SLC4A4: variants seen among roughly 807,000 people sequenced by gnomAD.
SLC4A4 encodes electrogenic sodium bicarbonate cotransporter 1.
Under a neutral mutation model 111.5 loss-of-function variants are expected in SLC4A4, and 27 were observed. That is an observed-to-expected ratio of 0.24 (90% CI 0.18 to 0.33). The LOEUF is 0.33. SLC4A4 is among the 10% of genes least tolerant of loss of function. The pLI is 1.00. For missense variants in SLC4A4, 909 were observed against 1,315.5 expected (o/e 0.69, Z 4.78); for synonymous variants, 443 against 463.4 (o/e 0.96, Z 0.57).
chr4:71,210,386 A>C (rs1718055920), intron 1 of SLC4A4, among the ~76,000 whole-genome samples: 1 of 152,264 alleles, frequency 6.6e-6, no homozygotes, highest in Non-Finnish European at 1.5e-5. Flanking sequence ...AAACATACTT[A>C]ATGTATTTCT....
In SLC4A4 at chr4:71,098,074, G is replaced by A. The variant is rs550580164; in HGVS notation, c.-2+5282G>A. Among the ~76,000 whole-genome samples the A allele has an allele frequency of 1.4e-4, 22 of 152,240 alleles. No homozygotes were observed. The East Asian group carries it at 3.7e-3, about 25-fold the overall frequency. ...TGTGCTTTTGTTGTGATGGCTTCTG[G>A]CATCTTTGTCATGAAGTATTTGCCT... On this transcript the variant is annotated intron_variant, in intron 2 of 26. Transcript: ENST00000649996.
At chr4:71,349,530 G>A (rs1006027342) in intron 4 of SLC4A4, among the ~76,000 whole-genome samples, 1 of 152,132 alleles carries the variant, frequency 6.6e-6, no homozygotes, top group Non-Finnish European at 1.5e-5. Flanking sequence ...CCTCACAGTG[G>A]TGGCTATTTT....
chr4:71,412,921 G>A (rs1189672782), intron 7 of SLC4A4, among the ~76,000 whole-genome samples: 1 of 152,150 alleles, frequency 6.6e-6, no homozygotes, highest in Non-Finnish European at 1.5e-5. Flanking sequence ...AAAATAAGAA[G>A]CCGACTTTGG....
At chr4:71,476,826 A>T (rs1728419600) in intron 14 of SLC4A4, among the ~76,000 whole-genome samples, 1 of 151,828 alleles carries the variant, frequency 6.6e-6, no homozygotes, top group Admixed American at 6.6e-5. Flanking sequence ...AGAAAGTTTG[A>T]CATATGTGAG....
intron 6 of SLC4A4, among the ~76,000 whole-genome samples, chr4:71,360,491 CTG>C (rs1730681024): frequency 6.6e-6 from 1 of 152,054 alleles, no homozygotes; most frequent in Non-Finnish European, 1.5e-5. Context: ...TAATCAAAAA[CTG>C]TTATCTGATT....
intron 2 of SLC4A4, among the ~76,000 whole-genome samples, chr4:71,239,235 T>C (rs1183154256): frequency 6.6e-6 from 1 of 152,240 alleles, no homozygotes; most frequent in African/African-American, 2.4e-5. Flanking sequence ...GTTTACAATG[T>C]TTGTAAACAT....
At chr4:71,107,950 A>G (rs1742989945) in intron 2 of SLC4A4, among the ~76,000 whole-genome samples, 1 of 152,018 alleles carries the variant, frequency 6.6e-6, no homozygotes, top group African/African-American at 2.4e-5. Flanking sequence ...CTATATAGCT[A>G]TTTCCTTTGT....
chr4:71,233,946 C>T (rs1359405011), intron 1 of SLC4A4, among the ~76,000 whole-genome samples: 1 of 152,274 alleles, frequency 6.6e-6, no homozygotes, highest in East Asian at 1.9e-4. Context: ...GTTTTGTGGC[C>T]CAATCAATAT....
At chr4:71,129,077 C>A (rs1743631342) in intron 2 of SLC4A4, among the ~76,000 whole-genome samples, 1 of 152,062 alleles carries the variant, frequency 6.6e-6, no homozygotes, top group South Asian at 2.1e-4. Context: ...GAAGAAGATG[C>A]CAAAAGCAAG....
At chr4:71,382,960 C>T (rs1414579430) in intron 6 of SLC4A4, among the ~76,000 whole-genome samples, 1 of 152,134 alleles carries the variant, frequency 6.6e-6, no homozygotes, top group Non-Finnish European at 1.5e-5. Context: ...TTTCTCTTTA[C>T]CTTGGTTCAG....
chr4:71,299,002 A>G (rs1222010701), intron 3 of SLC4A4, among the ~76,000 whole-genome samples: 1 of 152,234 alleles, frequency 6.6e-6, no homozygotes, highest in Non-Finnish European at 1.5e-5. Context: ...GTTTATTTTC[A>G]TAACAGCTTT....
rs1381493092 is a variant in SLC4A4 at position 71,472,684 on chromosome 4, C to A, written c.1632-15C>A. On this transcript the variant is annotated splice_polypyrimidine_tract_variant and intron_variant, in intron 13 of 25. Coordinates refer to ENST00000264485, the MANE Select transcript of SLC4A4 (RefSeq NM_001098484.3). ...AAGGAGGAGGAATCTAAACATTTTT[C>A]TTTCTTTTTTCCAGGGACAATAATT... 2 of 1,611,804 alleles carry A rather than the reference C, an allele frequency of 1.2e-6. No homozygotes were observed. Among genetic ancestry groups the A allele is most frequent in the South Asian group, 2.2e-5 (2 of 90,996 alleles).
At chr4:71,380,336 A>C (rs1475686727) in intron 6 of SLC4A4, among the ~76,000 whole-genome samples, 1 of 152,202 alleles carries the variant, frequency 6.6e-6, no homozygotes, top group Non-Finnish European at 1.5e-5. Context: ...TCCTTATTAC[A>C]GATGAAGGAA....
chr4:71,495,514 G>A (rs1221240443), intron 15 of SLC4A4, among the ~76,000 whole-genome samples: 1 of 152,030 alleles, frequency 6.6e-6, no homozygotes, highest in Non-Finnish European at 1.5e-5. Flanking sequence ...CAGTTCAGCT[G>A]TTTACAAGTT....
chr4:71,239,301 T>C (rs73828772), intron 2 of SLC4A4, among the ~76,000 whole-genome samples: 2,784 of 152,294 alleles, frequency 0.018, 77 homozygotes, highest in African/African-American at 0.053. Flanking sequence ...TCTGCATAAA[T>C]AAGATGTACT....
intron 2 of SLC4A4, among the ~76,000 whole-genome samples, chr4:71,171,702 C>G (rs913855990): frequency 6.6e-6 from 1 of 152,144 alleles, no homozygotes; most frequent in Non-Finnish European, 1.5e-5. Context: ...CACCACTATA[C>G]CTAGTATGTA....
At chr4:71,269,443 C>T (rs1473456597) in intron 3 of SLC4A4, among the ~76,000 whole-genome samples, 3 of 152,192 alleles carry the variant, frequency 2.0e-5, no homozygotes, top group African/African-American at 7.2e-5. Context: ...TCCCGTTGCT[C>T]ATCAGCTTGG....
chr4:71,403,316 G>A (rs1366915946), intron 7 of SLC4A4, among the ~76,000 whole-genome samples: 3 of 152,206 alleles, frequency 2.0e-5, no homozygotes, highest in Admixed American at 2.0e-4. Context: ...CATTCAAAAT[G>A]TATATTCTGT....
chr4:71,392,141 G>T (rs1719350758), intron 6 of SLC4A4, among the ~76,000 whole-genome samples: 2 of 152,062 alleles, frequency 1.3e-5, no homozygotes, highest in South Asian at 4.1e-4. Flanking sequence ...GTATAATCTG[G>T]TTGATAATCT....
Sources: allele counts gnomAD v4.1 joint callset (sites outside exome capture counted in the v4.1 genomes callset), GRCh38; gene constraint gnomAD v4.1.1; transcripts MANE v1.5; gene names NCBI Gene and HGNC (gene_info 2026-07-23, HGNC 2026-07-21).